AFF2: variants seen among roughly 807,000 people sequenced by gnomAD.
AFF2 encodes ALF transcription elongation factor 2, also known as AF4/FMR2 family member 2.
Under a neutral mutation model 76.9 loss-of-function variants are expected in AFF2, and 14 were observed. The observed-to-expected ratio is 0.18, with a 90% CI of 0.12 to 0.28. The LOEUF (loss-of-function observed/expected upper bound fraction) is 0.28, where lower values mean the gene tolerates loss of function less well. AFF2 is among the 10% of genes least tolerant of loss of function. AFF2 has a pLI of 1.00. For synonymous variants in AFF2, 398 were observed against 366.7 expected (o/e 1.09, Z -0.98); for missense variants, 868 against 1,001.1 (o/e 0.87, Z 1.79).
intron 3 of AFF2, among the ~76,000 whole-genome samples, chrX:148,680,374 A>G (rs2054533843): frequency 8.9e-6 from 1 of 112,289 alleles, no homozygotes. Context: ...TTATAAAATC[A>G]GGGTATTGCA....
At chrX:148,747,067 T>G (rs2055429144) in intron 3 of AFF2, among the ~76,000 whole-genome samples, 1 of 112,172 alleles carries the variant, frequency 8.9e-6, no homozygotes, top group African/African-American at 3.2e-5. Flanking sequence ...CCATGATTTC[T>G]ACATGAAGCT....
chrX:148,693,728 G>T (rs2054681107), intron 3 of AFF2, among the ~76,000 whole-genome samples: 1 of 111,873 alleles, frequency 8.9e-6, no homozygotes, highest in Non-Finnish European at 1.9e-5. Flanking sequence ...GTACACATCA[G>T]ATCTTGTCCG....
At chrX:148,881,632 C>T (rs907070298) in intron 7 of AFF2, among the ~76,000 whole-genome samples, 31 of 111,413 alleles carry the variant, frequency 2.8e-4, no homozygotes, top group Non-Finnish European at 1.9e-5. Context: ...CCTTTATAGT[C>T]TTTGAACCTC....
chrX:148,859,842 T>C (rs1160933012), intron 7 of AFF2, among the ~76,000 whole-genome samples: 1 of 111,085 alleles, frequency 9.0e-6, no homozygotes, highest in East Asian at 2.8e-4. Context: ...TATTATACTC[T>C]AAGTTCTAGG....
chrX:148,847,682 T>C (rs1557274889), intron 7 of AFF2, among the ~76,000 whole-genome samples: 1 of 111,940 alleles, frequency 8.9e-6, no homozygotes, highest in Non-Finnish European at 1.9e-5. Flanking sequence ...GTGGTTGTTA[T>C]GCATGTCACA....
intron 1 of AFF2, among the ~76,000 whole-genome samples, chrX:148,529,932 G>A (rs1220417933): frequency 8.9e-6 from 1 of 111,985 alleles, no homozygotes; most frequent in Admixed American, 9.5e-5. Context: ...GTTTCTGGAG[G>A]TGCCCTGTTG....
chrX:148,550,307 T>A (rs2052975510), intron 1 of AFF2, among the ~76,000 whole-genome samples: 1 of 112,168 alleles, frequency 8.9e-6, no homozygotes, highest in African/African-American at 3.2e-5. Context: ...CAGATTTGTT[T>A]ATACAGATTC....
intron 3 of AFF2, among the ~76,000 whole-genome samples, chrX:148,663,977 T>C (rs1336689593): frequency 8.9e-6 from 1 of 111,968 alleles, no homozygotes; most frequent in Non-Finnish European, 1.9e-5. Flanking sequence ...TTTTGTATCA[T>C]CATTCATCAA....
intron 1 of AFF2, among the ~76,000 whole-genome samples, chrX:148,532,412 A>G (rs955938514): frequency 1.8e-5 from 2 of 112,159 alleles, no homozygotes. Context: ...TGTAGATGAC[A>G]CTATTGTGCA....
intron 9 of AFF2, among the ~76,000 whole-genome samples, chrX:148,947,935 C>G (rs2071919752): frequency 8.9e-6 from 1 of 112,203 alleles, no homozygotes; most frequent in Admixed American, 9.4e-5. Flanking sequence ...TAGGACTCTC[C>G]CATTAAACAT....
intron 1 of AFF2, among the ~76,000 whole-genome samples, chrX:148,637,388 C>A (rs566563160): frequency 8.9e-6 from 1 of 111,917 alleles, no homozygotes; most frequent in Non-Finnish European, 1.9e-5. Flanking sequence ...GGCATAAGGC[C>A]GCATAGGTTA....
rs943253311 is a variant in AFF2 at position 148,998,406 on chromosome X, G to C, written c.*7074G>C. ...AAAACATAACAGATTAATAAAAATA[G>C]ATGTGTCCTGATTTAAAACATGCCC... On this transcript the variant is annotated 3_prime_UTR_variant, in exon 21 of 21. Transcript: ENST00000370460. 9 of 112,559 alleles carry C rather than the reference G, an allele frequency of 8.0e-5. No homozygotes were observed. The highest frequency in any genetic ancestry group is 1.7e-4 in the Non-Finnish European group (9 of 53,283). The allele number at this position is 112,559 out of a possible 1,213,427, so 9.3% of individuals were successfully genotyped here.
intron 3 of AFF2, among the ~76,000 whole-genome samples, chrX:148,766,894 G>A (rs1444877721): frequency 9.0e-6 from 1 of 111,710 alleles, no homozygotes; most frequent in Non-Finnish European, 1.9e-5. Context: ...TCAAAGTGTG[G>A]ATTCTCTCTT....
chrX:148,836,291 A>G (rs1176749867), intron 4 of AFF2, among the ~76,000 whole-genome samples: 1 of 112,093 alleles, frequency 8.9e-6, no homozygotes, highest in African/African-American at 3.2e-5. Context: ...TTGTCAGAAT[A>G]ATACTTACAA....
intron 1 of AFF2, among the ~76,000 whole-genome samples, chrX:148,533,304 T>C (rs2052749407): frequency 9.0e-6 from 1 of 111,271 alleles, no homozygotes; most frequent in South Asian, 3.8e-4. Flanking sequence ...TTATTATTTT[T>C]TTTTTTGAGA....
At chrX:148,910,873 G>A (rs1177177867) in intron 9 of AFF2, among the ~76,000 whole-genome samples, 3 of 111,613 alleles carry the variant, frequency 2.7e-5, no homozygotes, top group Non-Finnish European at 5.6e-5. Flanking sequence ...GATAGACCTG[G>A]GTTCTAGTCT....
intron 3 of AFF2, among the ~76,000 whole-genome samples, chrX:148,753,887 C>T (rs187804610): frequency 4.3e-4 from 48 of 111,937 alleles, no homozygotes; most frequent in African/African-American, 1.4e-3. Flanking sequence ...TCAGACATCT[C>T]TCCCATTCCT....
Position 148,652,056 on chromosome X carries a change from A to G in AFF2, c.105A>G (p.Gln35=), listed in dbSNP as rs144497911. 30 of 1,202,613 alleles carry G rather than the reference A, an allele frequency of 2.5e-5. No homozygotes were observed. Among genetic ancestry groups the G allele is most frequent in the Non-Finnish European group, 3.3e-5 (29 of 888,687 alleles). The change falls in exon 2 of 21, where the codon CAA becomes CAG. Residue 35 remains glutamine, a synonymous_variant. Transcript: ENST00000370460. ...AAAGGGAATGGGAGCGGAGGAATCA[A>G]GAAGTCCAGCAAGAAGACGATCTCT... ...LKKREWERRN[Q]EVQQEDDLFS...
At chrX:148,927,996 C>A (rs1557283986) in intron 9 of AFF2, among the ~76,000 whole-genome samples, 1 of 111,593 alleles carries the variant, frequency 9.0e-6, no homozygotes, top group South Asian at 3.8e-4. Context: ...CTCAATGAAG[C>A]CTTTGGCTCT....
Sources: gnomAD v4.1 joint callset for allele counts (sites outside exome capture counted in the v4.1 genomes callset) on GRCh38, gnomAD v4.1.1 for gene constraint, MANE v1.5 for transcripts, NCBI Gene and HGNC (gene_info 2026-07-23, HGNC 2026-07-21) for gene names.